Variants in COTL1 observed in about 807,000 individuals in gnomAD.
COTL1 encodes coactosin like F-actin binding protein 1, also known as coactosin-like protein.
COTL1 carries 15 observed loss-of-function variants against 16.5 expected under a neutral mutation model. That is an observed-to-expected ratio of 0.91 (90% CI 0.61 to 1.40). The LOEUF is 1.40. Ranked by LOEUF, COTL1 falls within the 40% of genes most tolerant of loss-of-function variation. COTL1 has a pLI of 0.00. For synonymous variants in COTL1, 112 were observed against 85.3 expected (o/e 1.31, Z -1.73); for missense variants, 220 against 201.5 (o/e 1.09, Z -0.56).
chr16:84,616,522 A>T (rs1780013428), intron 2 of COTL1: 1 of 151,820 alleles, frequency 6.6e-6, no homozygotes, highest in Non-Finnish European at 1.5e-5. Context: ...TAAATAAATA[A>T]ATAAATAAAT....
intron 2 of COTL1, among the ~76,000 whole-genome samples, chr16:84,612,930 A>T (rs1905366648): frequency 6.6e-6 from 1 of 152,136 alleles, no homozygotes; most frequent in African/African-American, 2.4e-5. Flanking sequence ...GCACTTGCCC[A>T]AGGCCACACA....
intron 2 of COTL1, among the ~76,000 whole-genome samples, chr16:84,592,213 C>T (rs1316939640): frequency 6.6e-6 from 1 of 152,212 alleles, no homozygotes; most frequent in Admixed American, 6.5e-5. Flanking sequence ...CAACAAAGTT[C>T]TGTGCCTCTT....
At chr16:84,601,325 C>T (rs149128730) in intron 2 of COTL1, among the ~76,000 whole-genome samples, 6 of 152,200 alleles carry the variant, frequency 3.9e-5, no homozygotes, top group African/African-American at 1.4e-4. Flanking sequence ...GTGTGAATAC[C>T]ATGAAATTAC....
At chr16:84,614,492 G>C (rs923566979) in intron 2 of COTL1, among the ~76,000 whole-genome samples, 3 of 152,086 alleles carry the variant, frequency 2.0e-5, no homozygotes, top group East Asian at 1.9e-4. Flanking sequence ...GGAAAGCCGT[G>C]GGGGAGGAAG....
intron 2 of COTL1, among the ~76,000 whole-genome samples, chr16:84,608,779 G>A (rs1026897697): frequency 3.3e-5 from 5 of 152,158 alleles, no homozygotes; most frequent in Admixed American, 3.3e-4. Context: ...GGTAGCAGGC[G>A]CCTGTAGTCC....
At chr16:84,583,624 A>AT (rs542270976) in intron 3 of COTL1, among the ~76,000 whole-genome samples, 4 of 151,148 alleles carry the variant, frequency 2.6e-5, no homozygotes, top group African/African-American at 4.9e-5. Flanking sequence ...GCCCCAGCTA[A>AT]TTTTTTTTTG....
intron 2 of COTL1, among the ~76,000 whole-genome samples, chr16:84,603,718 A>G (rs1905150335): frequency 6.6e-6 from 1 of 152,020 alleles, no homozygotes; most frequent in African/African-American, 2.4e-5. Flanking sequence ...CTCAGGGAAA[A>G]GGGCTGCTCA....
chr16:84,593,567 A>T (rs1216881719), intron 2 of COTL1, among the ~76,000 whole-genome samples: 1 of 150,674 alleles, frequency 6.6e-6, no homozygotes, highest in Non-Finnish European at 1.5e-5. Flanking sequence ...GCTGGAGTGC[A>T]GTGGCGCGAT....
chr16:84,576,654 C>T (rs1904460139), intron 3 of COTL1: 1 of 152,208 alleles, frequency 6.6e-6, no homozygotes, highest in Admixed American at 6.6e-5. Flanking sequence ...AACAGGGTCC[C>T]CCAGCCTTTC....
chr16:84,616,563 A>G (rs1321501484), intron 2 of COTL1: 1 of 150,750 alleles, frequency 6.6e-6, no homozygotes, highest in African/African-American at 2.5e-5. Context: ...CTCAGGGTCC[A>G]CGCCGTAACC....
rs556489463 is a variant in COTL1 at position 84,603,281 on chromosome 16, T to C, written c.161-13019A>G. On this transcript the variant is annotated intron_variant, in intron 2 of 3. Transcript: ENST00000262428. ...CTTTACTCTTCTACGGATTCACTTA[T>C]TCATTACCCCATGCAACATCCGAGG... Among the ~76,000 whole-genome samples, 123 of 152,318 alleles carry C rather than the reference T, an allele frequency of 8.1e-4. No individual in the cohort carries two copies. The Middle Eastern group carries it at 0.014, about 17-fold the overall frequency.
Position 84,587,774 on chromosome 16 carries a change from A to ATTTT in COTL1, c.318+2330_318+2331insAAAA, listed in dbSNP as rs752971712. ...CAGGACTCTATTATGTCCTATCATTATTTATTTATTTATTTATTTATTTTA... is the reference window on the plus strand; with the variant it reads ...CAGGACTCTATTATGTCCTATCATTATTTTTTTATTTATTTATTTATTTATTTTA... On this transcript the variant is annotated intron_variant, in intron 3 of 3. Coordinates refer to ENST00000262428, the MANE Select transcript of COTL1 (RefSeq NM_021149.5). Among the ~76,000 whole-genome samples, 42 of 150,984 alleles carry ATTTT rather than the reference A, an allele frequency of 2.8e-4. 1 individual carries two copies. Among genetic ancestry groups the ATTTT allele is most frequent in the Non-Finnish European group, 4.3e-4 (29 of 67,782 alleles).
At chr16:84,616,077 T>G (rs1905473837) in intron 2 of COTL1, 1 of 152,240 alleles carries the variant, frequency 6.6e-6, no homozygotes, top group Non-Finnish European at 1.5e-5. Flanking sequence ...GTTCTGAGCA[T>G]TTTATACATA....
intron 3 of COTL1, among the ~76,000 whole-genome samples, chr16:84,587,542 C>T (rs149985171): frequency 6.6e-6 from 1 of 152,214 alleles, no homozygotes; most frequent in East Asian, 1.9e-4. Flanking sequence ...ACTTGTGAAC[C>T]AGGACACTCT....
intron 3 of COTL1, among the ~76,000 whole-genome samples, chr16:84,582,581 T>C (rs1467895862): frequency 3.3e-5 from 5 of 152,224 alleles, no homozygotes; most frequent in South Asian, 4.1e-4. Flanking sequence ...TATAATTCCT[T>C]AATTATAATA....
chr16:84,612,989 T>C (rs1281099813), intron 2 of COTL1, among the ~76,000 whole-genome samples: 1 of 114,960 alleles, frequency 8.7e-6, no homozygotes, highest in African/African-American at 3.4e-5. Context: ...AATGACTCTT[T>C]CTTTCTTTCT....
chr16:84,609,702 G>A (rs1470360935), intron 2 of COTL1, among the ~76,000 whole-genome samples: 1 of 152,132 alleles, frequency 6.6e-6, no homozygotes, highest in Non-Finnish European at 1.5e-5. Flanking sequence ...AATTGACTCA[G>A]GGGGGCAGTT....
rs1904294797 is a variant in COTL1, at chr16:84,565,620, T to A, written c.*1225A>T. The stretch of plus-strand genomic sequence containing the variant: ...GTTTTCTGAAAAACAAAAAAAACAT[T>A]TATTTCTGTAAACTGTCTGAGTGCA... On this transcript the variant is annotated 3_prime_UTR_variant, in exon 4 of 4. Transcript: ENST00000262428. 1 of 152,142 alleles carries A rather than the reference T, an allele frequency of 6.6e-6. No homozygotes were observed. The allele number at this position is 152,142 out of a possible 1,614,324, so 9.4% of individuals were successfully genotyped here. A position where few individuals can be genotyped will look rare whatever the true frequency, so the allele number is the denominator to read the frequency against.
chr16:84,594,757 A>G (rs779818721), intron 2 of COTL1: 6 of 152,246 alleles, frequency 3.9e-5, no homozygotes, highest in African/African-American at 1.2e-4. Context: ...CTTTGGGCCA[A>G]CGCAGTTTTT....
Sources: allele counts gnomAD v4.1 joint callset (sites outside exome capture counted in the v4.1 genomes callset), GRCh38; gene constraint gnomAD v4.1.1; transcripts MANE v1.5; gene names NCBI Gene and HGNC (gene_info 2026-07-23, HGNC 2026-07-21).